GPC6: variants seen among roughly 807,000 people sequenced by gnomAD.
GPC6 encodes glypican-6.
In GPC6, 14 loss-of-function variants were observed where a neutral mutation model predicts 55.2. The observed-to-expected ratio is 0.25, with a 90% CI of 0.17 to 0.40. The LOEUF (loss-of-function observed/expected upper bound fraction) is 0.40. Among genes scored for constraint, GPC6 ranks in the 10% least tolerant of loss-of-function variants. GPC6 has a pLI of 1.00. For synonymous variants in GPC6, 278 were observed against 259.6 expected (o/e 1.07, Z -0.68); for missense variants, 641 against 708.5 (o/e 0.90, Z 1.08).
intron 4 of GPC6, among the ~76,000 whole-genome samples, chr13:94,233,474 A>C (rs1029958527): frequency 6.6e-6 from 1 of 152,180 alleles, no homozygotes; most frequent in Non-Finnish European, 1.5e-5. Flanking sequence ...CTATAGCTTG[A>C]AAATATTAAA....
rs34361994 is a variant in GPC6 at position 93,511,452 on chromosome 13, A to ATT, written c.161-33805_161-33804dup. Among the ~76,000 whole-genome samples, 970 of 151,562 alleles carry ATT rather than the reference A, an allele frequency of 6.4e-3. 7 individuals are homozygous for ATT. The highest frequency in any genetic ancestry group is 0.022 in the African/African-American group (910 of 41,344). On this transcript the variant is annotated intron_variant, in intron 1 of 8. Transcript: ENST00000377047. ...AGGTGGTTTCCTTTCCCCAATATAA[A>ATT]TTTTTTTGGCTTTGTCAAAGATTAG...
At chr13:93,925,057 C>T (rs1877781607) in intron 3 of GPC6, among the ~76,000 whole-genome samples, 1 of 152,144 alleles carries the variant, frequency 6.6e-6, no homozygotes, top group African/African-American at 2.4e-5. Context: ...ATTTATTACA[C>T]AAATATTACA....
intron 3 of GPC6, among the ~76,000 whole-genome samples, chr13:93,927,337 C>A (rs1245000786): frequency 6.6e-6 from 1 of 152,152 alleles, no homozygotes; most frequent in African/African-American, 2.4e-5. Context: ...TCTATTTATT[C>A]ATGGTCAGGA....
intron 4 of GPC6, among the ~76,000 whole-genome samples, chr13:94,133,934 A>G (rs1398231243): frequency 6.6e-6 from 1 of 151,908 alleles, no homozygotes; most frequent in African/African-American, 2.4e-5. Context: ...AAAACAGCCT[A>G]GTTTTTTTCA....
chr13:94,200,737 T>G (rs994978902), intron 4 of GPC6, among the ~76,000 whole-genome samples: 1 of 152,232 alleles, frequency 6.6e-6, no homozygotes, highest in Non-Finnish European at 1.5e-5. Flanking sequence ...TACAGCATTC[T>G]TTGTATAGGT....
chr13:93,956,447 C>T lies in GPC6; in HGVS notation c.712-71282C>T, dbSNP rs78789189. ...AGTTAAAACTACTCAGACTGTGTTACCACAGAAATTCACATTAAATACAAA... is the reference window on the plus strand; with the variant it reads ...AGTTAAAACTACTCAGACTGTGTTATCACAGAAATTCACATTAAATACAAA... On this transcript the variant is annotated intron_variant, in intron 3 of 8. Coordinates refer to ENST00000377047, the MANE Select transcript of GPC6 (RefSeq NM_005708.5). Among the ~76,000 whole-genome samples, 5 of 152,208 alleles carry T rather than the reference C, an allele frequency of 3.3e-5. No individual in the cohort carries two copies. In the South Asian group the frequency reaches 8.3e-4, roughly 25 times the overall value.
chr13:94,183,321 G>A (rs1313849466), intron 4 of GPC6, among the ~76,000 whole-genome samples: 1 of 152,096 alleles, frequency 6.6e-6, no homozygotes, highest in East Asian at 1.9e-4. Flanking sequence ...GTCCTTTTGT[G>A]TCATGCTTCT....
At chr13:93,939,655 G>C (rs1261395917) in intron 3 of GPC6, among the ~76,000 whole-genome samples, 1 of 151,802 alleles carries the variant, frequency 6.6e-6, no homozygotes, top group African/African-American at 2.4e-5. Flanking sequence ...ACACTATGTT[G>C]CCCAGGCTGG....
rs551761032 is a variant in GPC6 at position 93,691,396 on chromosome 13, A to T, written c.320-138758A>T. ...AAGCCACTTTTGCTTATTCCTATAT[A>T]TTTTTTTTAAATTATCTTTAAACTC... On this transcript the variant is annotated intron_variant, in intron 2 of 8. Transcript: ENST00000377047. Among the ~76,000 whole-genome samples, 272 of 150,830 alleles carry T rather than the reference A, an allele frequency of 1.8e-3. 1 individual carries two copies. The highest frequency in any genetic ancestry group is 6.4e-3 in the African/African-American group (263 of 41,164).
intron 2 of GPC6, among the ~76,000 whole-genome samples, chr13:93,630,630 C>A (rs906391419): frequency 3.9e-4 from 59 of 152,010 alleles, no homozygotes; most frequent in African/African-American, 1.4e-3. Flanking sequence ...AAAATTGACG[C>A]TTTTTGGTTT....
At chr13:94,358,549 G>T (rs950526981) in intron 6 of GPC6, among the ~76,000 whole-genome samples, 1 of 152,184 alleles carries the variant, frequency 6.6e-6, no homozygotes, top group Non-Finnish European at 1.5e-5. Context: ...GGTTGAGCTT[G>T]CCCTGGAGAG....
intron 6 of GPC6, among the ~76,000 whole-genome samples, chr13:94,379,592 C>A (rs1213796184): frequency 3.9e-5 from 6 of 152,166 alleles, no homozygotes. Context: ...TTTGTGTTAA[C>A]CATACAGTCT....
intron 2 of GPC6, among the ~76,000 whole-genome samples, chr13:93,593,737 A>G (rs950613852): frequency 2.0e-5 from 3 of 152,166 alleles, no homozygotes; most frequent in Non-Finnish European, 4.4e-5. Flanking sequence ...TACAAGTGAT[A>G]TTTATTATGG....
intron 2 of GPC6, among the ~76,000 whole-genome samples, chr13:93,575,022 G>A (rs749012796): frequency 1.4e-4 from 21 of 152,102 alleles, no homozygotes; most frequent in South Asian, 2.1e-4. Flanking sequence ...GGCCAGGCAC[G>A]GTGGCTCATG....
chr13:93,782,007 TAC>T (rs1307870329), intron 2 of GPC6, among the ~76,000 whole-genome samples: 1 of 152,160 alleles, frequency 6.6e-6, no homozygotes. Flanking sequence ...TGTTCTTAAT[TAC>T]AGTCATCATG....
At chr13:93,610,811 C>T (rs1173354727) in intron 2 of GPC6, among the ~76,000 whole-genome samples, 1 of 151,840 alleles carries the variant, frequency 6.6e-6, no homozygotes, top group Admixed American at 6.6e-5. Context: ...TTAAAAAATG[C>T]TGATTGCAAC....
chr13:94,394,240 GC>G (rs1353787591), intron 7 of GPC6, among the ~76,000 whole-genome samples: 27 of 152,234 alleles, frequency 1.8e-4, no homozygotes, highest in African/African-American at 6.5e-4. Flanking sequence ...AGGAAGCTGT[GC>G]TTGGCTGTTC....
intron 1 of GPC6, among the ~76,000 whole-genome samples, chr13:93,412,729 C>A (rs1399949734): frequency 1.3e-5 from 2 of 152,040 alleles, no homozygotes; most frequent in Non-Finnish European, 2.9e-5. Context: ...AATATATCTA[C>A]CCAGAAGAAG....
At chr13:94,155,750 G>A (rs979683796) in intron 4 of GPC6, among the ~76,000 whole-genome samples, 5 of 152,092 alleles carry the variant, frequency 3.3e-5, no homozygotes, top group Non-Finnish European at 7.4e-5. Flanking sequence ...TTTCCATTTA[G>A]GATAAAGTCC....
Sources: gnomAD v4.1 joint callset for allele counts (sites outside exome capture counted in the v4.1 genomes callset) on GRCh38, gnomAD v4.1.1 for gene constraint, MANE v1.5 for transcripts, NCBI Gene and HGNC (gene_info 2026-07-23, HGNC 2026-07-21) for gene names.